SLC44A5: variants seen among roughly 807,000 people sequenced by gnomAD.
SLC44A5 encodes choline transporter-like protein 5.
SLC44A5 carries 57 observed loss-of-function variants against 101.8 expected under a neutral mutation model. The observed-to-expected ratio is 0.56, with a 90% confidence interval of 0.45 to 0.70. The LOEUF is 0.70. Ranked by LOEUF, SLC44A5 falls within the 30% of genes least tolerant of loss-of-function variation. The pLI is 0.00. For missense variants in SLC44A5, 737 were observed against 853.1 expected, an observed-to-expected ratio of 0.86 and a Z score of 1.70; for synonymous variants, 281 against 290.9, an observed-to-expected ratio of 0.97 and a Z score of 0.35.
At chr1:75,320,539 C>A (rs1656065209) in intron 4 of SLC44A5, among the ~76,000 whole-genome samples, 1 of 152,026 alleles carries the variant, frequency 6.6e-6, no homozygotes, top group South Asian at 2.1e-4. Flanking sequence ...ACATATTGTG[C>A]CTTGTAAGTT....
the SLC44A5 span, among the ~76,000 whole-genome samples, chr1:75,644,499 A>C: frequency 6.6e-6 from 1 of 152,018 alleles, no homozygotes; most frequent in Admixed American, 6.6e-5. Context: ...ACTTGCTTTT[A>C]CTATTTTTAC....
upstream of SLC44A5, among the ~76,000 whole-genome samples, chr1:75,614,132 C>T (rs1160246150): frequency 6.6e-6 from 1 of 152,188 alleles, no homozygotes; most frequent in Admixed American, 6.5e-5. Context: ...TGCCATATGG[C>T]TCCATAAAAA....
chr1:75,696,743 G>C, the SLC44A5 span, among the ~76,000 whole-genome samples: 1 of 135,186 alleles, frequency 7.4e-6, no homozygotes, highest in Non-Finnish European at 1.7e-5. Flanking sequence ...AAAATTGAAA[G>C]AAAAAAAAAA....
chr1:75,222,083 C>A (rs1647095359), intron 14 of SLC44A5, among the ~76,000 whole-genome samples: 1 of 151,788 alleles, frequency 6.6e-6, no homozygotes, highest in Admixed American at 6.6e-5. Flanking sequence ...CTCAGCCTCC[C>A]AAGTAGCTGG....
chr1:75,619,065 T>G, the SLC44A5 span, among the ~76,000 whole-genome samples: 1 of 62,386 alleles, frequency 1.6e-5, no homozygotes, highest in Non-Finnish European at 2.9e-5. Context: ...AGCGAAACTC[T>G]GTCTCAAAAA....
chr1:75,266,731 GCA>G (rs1447286629), intron 6 of SLC44A5, among the ~76,000 whole-genome samples: 6 of 152,152 alleles, frequency 3.9e-5, no homozygotes, highest in Admixed American at 3.9e-4. Context: ...AATTTACTGA[GCA>G]CATATTGTAA....
the SLC44A5 span, among the ~76,000 whole-genome samples, chr1:75,647,537 G>A: frequency 6.6e-6 from 1 of 152,148 alleles, no homozygotes; most frequent in Admixed American, 6.5e-5. Flanking sequence ...CCGTGCACCT[G>A]GAAAAGCCAC....
At chr1:75,465,599 G>C (rs1355513721) in intron 2 of SLC44A5, among the ~76,000 whole-genome samples, 2 of 151,476 alleles carry the variant, frequency 1.3e-5, no homozygotes, top group Non-Finnish European at 2.9e-5. Context: ...ACAAAAAGTT[G>C]GTTTTAAAAA....
chr1:75,654,700 G>T, the SLC44A5 span, among the ~76,000 whole-genome samples: 1 of 152,176 alleles, frequency 6.6e-6, no homozygotes, highest in Non-Finnish European at 1.5e-5. Flanking sequence ...CCTCCAGAAA[G>T]AGATGACTTC....
chr1:75,647,281 C>T, the SLC44A5 span, among the ~76,000 whole-genome samples: 1 of 152,184 alleles, frequency 6.6e-6, no homozygotes, highest in Non-Finnish European at 1.5e-5. Flanking sequence ...ACAAAGAAGT[C>T]AAGAATTGAG....
At chr1:75,624,433 T>C in the SLC44A5 span, among the ~76,000 whole-genome samples, 4 of 152,150 alleles carry the variant, frequency 2.6e-5, no homozygotes, top group Non-Finnish European at 4.4e-5. Context: ...TATTGCCTCA[T>C]ATGTTAGTCA....
chr1:75,645,673 G>T, the SLC44A5 span, among the ~76,000 whole-genome samples: 11 of 148,506 alleles, frequency 7.4e-5, no homozygotes, highest in African/African-American at 1.5e-4. Flanking sequence ...TGCCATTGCT[G>T]TTGGTGTTTT....
the SLC44A5 span, among the ~76,000 whole-genome samples, chr1:75,705,494 A>T: frequency 6.6e-6 from 1 of 152,180 alleles, no homozygotes; most frequent in Non-Finnish European, 1.5e-5. Context: ...TGATTTACAT[A>T]TTTCTAGAAA....
At chr1:75,402,695 G>A (rs1392388688) in intron 2 of SLC44A5, among the ~76,000 whole-genome samples, 1 of 152,068 alleles carries the variant, frequency 6.6e-6, no homozygotes, top group Non-Finnish European at 1.5e-5. Flanking sequence ...ACAACCCACA[G>A]ATTAGGAGGT....
intron 1 of SLC44A5, among the ~76,000 whole-genome samples, chr1:75,582,988 T>A (rs766369209): frequency 6.6e-6 from 1 of 152,200 alleles, no homozygotes; most frequent in Non-Finnish European, 1.5e-5. Flanking sequence ...CTTGACAGTG[T>A]CTCTTTCAGA....
chr1:75,333,963 A>G (rs775267947), intron 4 of SLC44A5, among the ~76,000 whole-genome samples: 12 of 151,972 alleles, frequency 7.9e-5, no homozygotes, highest in Non-Finnish European at 1.6e-4. Flanking sequence ...GGGACTTTGC[A>G]TTTGTTATCT....
At chr1:75,441,270 C>A (rs1181033891) in intron 2 of SLC44A5, among the ~76,000 whole-genome samples, 4 of 152,002 alleles carry the variant, frequency 2.6e-5, no homozygotes, top group Non-Finnish European at 4.4e-5. Context: ...AACTATTCTG[C>A]CATTTATGCA....
the SLC44A5 span, among the ~76,000 whole-genome samples, chr1:75,672,110 T>C: frequency 1.3e-5 from 2 of 152,160 alleles, no homozygotes; most frequent in African/African-American, 4.8e-5. Context: ...TGCCTGCTTT[T>C]TGTTTCTTTG....
chr1:75,719,709 A>T, the SLC44A5 span, among the ~76,000 whole-genome samples: 1 of 152,182 alleles, frequency 6.6e-6, no homozygotes, highest in Non-Finnish European at 1.5e-5. Flanking sequence ...TATTTCTACT[A>T]TTCAAATTAT....
Sources: gnomAD v4.1 joint callset for allele counts (sites outside exome capture counted in the v4.1 genomes callset) on GRCh38, gnomAD v4.1.1 for gene constraint, MANE v1.5 for transcripts, NCBI Gene and HGNC (gene_info 2026-07-23, HGNC 2026-07-21) for gene names.